Variants in TUBE1 observed in about 807,000 individuals in gnomAD.
The protein encoded by TUBE1 is tubulin epsilon 1, also known as tubulin epsilon chain.
A neutral mutation model predicts 53.5 loss-of-function variants in TUBE1; 34 were observed. The observed-to-expected ratio is 0.64, with a 90% CI of 0.48 to 0.85. The LOEUF (loss-of-function observed/expected upper bound fraction) is 0.85, where lower values mean the gene tolerates loss of function less well. Among genes scored for constraint, TUBE1 ranks in the 40% least tolerant of loss-of-function variants. The pLI is 0.00. For missense variants in TUBE1, 532 were observed against 570.5 expected, an observed-to-expected ratio of 0.93 and a Z score of 0.69; for synonymous variants, 177 against 198.4, an observed-to-expected ratio of 0.89 and a Z score of 0.91.
At chr6:112,083,414 G>A (rs1304836243) in intron 4 of TUBE1, among the ~76,000 whole-genome samples, 3 of 151,548 alleles carry the variant, frequency 2.0e-5, no homozygotes, top group Non-Finnish European at 4.4e-5. Context: ...GCCCCCCGGG[G>A]TTCACGCCAT....
In TUBE1 at chr6:112,070,721, A is replaced by G. The variant is rs1776840655; in HGVS notation, c.*691T>C. The G allele has an allele frequency of 6.6e-6, 1 of 152,230 alleles. No homozygotes were observed. The highest frequency in any genetic ancestry group is 2.4e-5 in the African/African-American group (1 of 41,474). 9.4% of individuals were successfully genotyped at this position (152,230 alleles called of 1,614,324 possible). On this transcript the variant is annotated 3_prime_UTR_variant, in exon 12 of 12. Transcript: ENST00000368662. ...GCAAAGTTTGGAAGATATCAAGCTTAGTAACATTCTGTTCATTTGCATAAA... is the reference window on the plus strand; with the variant it reads ...GCAAAGTTTGGAAGATATCAAGCTTGGTAACATTCTGTTCATTTGCATAAA...
chr6:112,074,206 A>G (rs1554315732), intron 9 of TUBE1, among the ~76,000 whole-genome samples: 1 of 152,152 alleles, frequency 6.6e-6, no homozygotes, highest in African/African-American at 2.4e-5. Flanking sequence ...ATACTGATGT[A>G]ATCTTTATGC....
intron 6 of TUBE1, chr6:112,077,904 C>T (rs1489871014): frequency 2.6e-5 from 4 of 151,926 alleles, no homozygotes; most frequent in African/African-American, 9.7e-5. Flanking sequence ...AGAGTTCCCA[C>T]AAATCAACAA....
At chr6:112,075,728 T>C in intron 8 of TUBE1, 1 of 455,200 alleles carries the variant, frequency 2.2e-6, no homozygotes, top group South Asian at 4.4e-5. Context: ...ATGATATCTG[T>C]TCATATTCCA....
At chr6:112,082,947 G>A (rs879953211) in intron 4 of TUBE1, among the ~76,000 whole-genome samples, 1 of 151,798 alleles carries the variant, frequency 6.6e-6, no homozygotes, top group Non-Finnish European at 1.5e-5. Context: ...GTACCTTCTC[G>A]GAAAAAAAGT....
At chr6:112,071,623 A>T in intron 11 of TUBE1, 53 bp from the exon 12 acceptor site, 7 of 1,385,848 alleles carry the variant, frequency 5.1e-6, no homozygotes, top group Non-Finnish European at 6.9e-6. Flanking sequence ...TTTAATACAT[A>T]AGACTATCCT....
At chr6:112,080,703 T>C (rs1396065975) in intron 5 of TUBE1, among the ~76,000 whole-genome samples, 1 of 152,084 alleles carries the variant, frequency 6.6e-6, no homozygotes, top group Non-Finnish European at 1.5e-5. Context: ...TAGGCTCAGC[T>C]TGAATGCTAG....
intron 8 of TUBE1, chr6:112,075,537 C>A (rs1353040738): frequency 3.9e-5 from 6 of 155,704 alleles, no homozygotes; most frequent in Non-Finnish European, 7.1e-5. Flanking sequence ...ACTCTATAAT[C>A]TAGAATATAA....
At chr6:112,072,379 CCTTA>C (rs1776883967) in intron 10 of TUBE1, among the ~76,000 whole-genome samples, 2 of 152,010 alleles carry the variant, frequency 1.3e-5, no homozygotes, top group African/African-American at 4.8e-5. Context: ...CTACCATTTT[CCTTA>C]CTTTGTAATT....
chr6:112,075,899 C>A, intron 8 of TUBE1, 38 bp downstream of exon 8: 4 of 1,500,024 alleles, frequency 2.7e-6, no homozygotes, highest in Non-Finnish European at 2.7e-6. Flanking sequence ...TCTCCAAAAG[C>A]ACAATAAAGT....
chr6:112,075,874 C>T (rs1776956153), intron 8 of TUBE1, 63 bp downstream of exon 8: 3 of 1,436,512 alleles, frequency 2.1e-6, no homozygotes, highest in Non-Finnish European at 2.8e-6. Flanking sequence ...AATGCTACTA[C>T]AAAAATTCAA....
intron 9 of TUBE1, among the ~76,000 whole-genome samples, chr6:112,074,483 T>C (rs1273579187): frequency 1.3e-5 from 2 of 152,152 alleles, no homozygotes; most frequent in Non-Finnish European, 2.9e-5. Context: ...TTCATAAGCC[T>C]ACAAATTTAA....
intron 4 of TUBE1, among the ~76,000 whole-genome samples, chr6:112,081,919 T>C (rs782733435): frequency 6.6e-6 from 1 of 151,912 alleles, no homozygotes; most frequent in Non-Finnish European, 1.5e-5. Context: ...CCATATATTC[T>C]ACAGCGAGGA....
At chr6:112,079,364 G>T (rs1425552744) in intron 6 of TUBE1, 3 of 257,982 alleles carry the variant, frequency 1.2e-5, no homozygotes, top group Non-Finnish European at 1.4e-5. Context: ...AGAAACTAAA[G>T]GTACAAGAAA....
intron 6 of TUBE1, chr6:112,078,425 TG>T (rs35409991): frequency 6.6e-6 from 1 of 151,992 alleles, no homozygotes; most frequent in Admixed American, 6.5e-5. Context: ...AGAGATAAAG[TG>T]GAAAAGTTAC....
chr6:112,073,078 G>A (rs977985616), intron 9 of TUBE1, among the ~76,000 whole-genome samples, 180 bp from the exon 10 acceptor site: 13 of 151,652 alleles, frequency 8.6e-5, no homozygotes, highest in African/African-American at 3.2e-4. Flanking sequence ...CAATCTTAAT[G>A]ATATGAGAAG....
chr6:112,071,873 ATACAGT>A (rs1554315375), intron 11 of TUBE1, 23 bp downstream of exon 11: 1 of 1,559,866 alleles, frequency 6.4e-7, no homozygotes, highest in Non-Finnish European at 8.6e-7. Flanking sequence ...AAATAAACAC[ATACAGT>A]TACAAAGCTG....
In TUBE1 at chr6:112,074,835, T is replaced by C; in HGVS notation, c.828A>G (p.Glu276=). The change falls in exon 9 of 12, where the codon GAA becomes GAG. Residue 276 remains glutamate, a synonymous_variant. Coordinates refer to ENST00000368662, the MANE Select transcript of TUBE1 (RefSeq NM_016262.5). ...CATTAAGGTCCATATTAAGGGACCC[T>C]TCAAATCTTGCAGAGCTAAAAAGTT... ...LLNLTSSARF[E]GSLNMDLNEI... 6.3e-7 allele frequency: 1 copy of C among 1,584,336 alleles called. No homozygotes were observed. Among genetic ancestry groups the C allele is most frequent in the Non-Finnish European group, 8.5e-7 (1 of 1,170,882 alleles).
chr6:112,076,091 T>A lies in TUBE1; in HGVS notation c.658A>T (p.Lys220Ter). The A allele has an allele frequency of 1.2e-6, 2 of 1,612,620 alleles. No individual in the cohort carries two copies. The highest frequency in any genetic ancestry group is 1.7e-6 in the Non-Finnish European group (2 of 1,179,288). ...CCAGAATTCACCATGAGGTCGATTT[T>A]GCTAATGATGTCAAATAAAGACTTT... ...DNQSLFDIIS[K>*]IDLMVNSGKL... is the part of the protein sequence containing the mutation. Residue 220 changes from lysine (K) to a stop codon, truncating the protein, a stop_gained, in exon 8 of 12, where the codon AAA (lysine) becomes TAA (stop). Transcript: ENST00000368662. LOFTEE classifies it high-confidence loss of function.
Sources: gnomAD v4.1 joint callset for allele counts (sites outside exome capture counted in the v4.1 genomes callset) on GRCh38, gnomAD v4.1.1 for gene constraint, MANE v1.5 for transcripts, NCBI Gene and HGNC (gene_info 2026-07-23, HGNC 2026-07-21) for gene names.